The following SLC7A7 variants were observed in gnomAD, a reference collection of about 807,000 sequenced individuals.
SLC7A7 encodes solute carrier family 7 member 7, also known as Y+L amino acid transporter 1.
In SLC7A7, 39 loss-of-function variants were observed where a neutral mutation model predicts 47.9. The observed-to-expected ratio is 0.81, with a 90% CI of 0.63 to 1.06. The LOEUF (loss-of-function observed/expected upper bound fraction) is 1.06, where lower values mean the gene tolerates loss of function less well. Among genes scored for constraint, SLC7A7 ranks in the 50% least tolerant of loss-of-function variants. The pLI is 0.00. For synonymous variants in SLC7A7, 234 were observed against 242.8 expected, an observed-to-expected ratio of 0.96 and a Z score of 0.34; for missense variants, 588 against 632.0, an observed-to-expected ratio of 0.93 and a Z score of 0.75.
intron 2 of SLC7A7, among the ~76,000 whole-genome samples, chr14:22,795,764 T>G (rs553030969): frequency 1.3e-5 from 2 of 152,220 alleles, no homozygotes; most frequent in East Asian, 3.9e-4. Context: ...TGAGCCACCG[T>G]GCCCGGCCTT....
chr14:22,774,117 C>G lies in SLC7A7; in HGVS notation c.1246-1G>C. 6.2e-7 allele frequency: 1 copy of G among 1,614,092 alleles called. No individual in the cohort carries two copies. Among genetic ancestry groups the G allele is most frequent in the Non-Finnish European group, 8.5e-7 (1 of 1,180,006 alleles). On this transcript the variant is annotated splice_acceptor_variant, in intron 8 of 9. Transcript: ENST00000674313. LOFTEE classifies it high-confidence loss of function. ...AGACAATCGGGAAGAAAACGCTGAGCTAAGGGCACAGGAAACATAACTGGA... is the reference window on the plus strand; with the variant it reads ...AGACAATCGGGAAGAAAACGCTGAGGTAAGGGCACAGGAAACATAACTGGA...
intron 2 of SLC7A7, among the ~76,000 whole-genome samples, chr14:22,795,403 TTTC>T (rs2038999440): frequency 3.0e-4 from 1 of 3,286 alleles, no homozygotes; most frequent in Non-Finnish European, 9.9e-4. Flanking sequence ...TCTTTCTTTC[TTTC>T]TTTCTTTCTT....
Position 22,815,363 on chromosome 14 carries a change from A to G in SLC7A7, c.-86T>C, listed in dbSNP as rs2281677. 257,443 of 454,208 alleles carry G rather than the reference A, an allele frequency of 0.57. 74,098 individuals are homozygous for G. The highest frequency in any genetic ancestry group is 0.67 in the Admixed American group (28,666 of 42,548). 28.1% of individuals were successfully genotyped at this position (454,208 alleles called of 1,614,324 possible). ...AGCAGGTTCTCACGGCAGTGTGAGC[A>G]GCAGTCAGGGAGAGAAGTGCCTTCC... On this transcript the variant is annotated 5_prime_UTR_variant, in exon 1 of 10. Coordinates refer to ENST00000674313, the MANE Select transcript of SLC7A7 (RefSeq NM_003982.4).
chr14:22,784,920 A>G (rs967963837), intron 2 of SLC7A7, among the ~76,000 whole-genome samples: 9 of 152,212 alleles, frequency 5.9e-5, no homozygotes, highest in African/African-American at 2.2e-4. Flanking sequence ...AATACACACA[A>G]TGTAACACAC....
At chr14:22,801,839 T>C (rs939513099) in intron 2 of SLC7A7, among the ~76,000 whole-genome samples, 8 of 152,158 alleles carry the variant, frequency 5.3e-5, no homozygotes, top group Non-Finnish European at 1.2e-4. Context: ...CATGCACCCA[T>C]GCATGCGGTC....
At chr14:22,788,143 T>C (rs1239136759) in intron 2 of SLC7A7, among the ~76,000 whole-genome samples, 4 of 152,204 alleles carry the variant, frequency 2.6e-5, no homozygotes, top group Non-Finnish European at 5.9e-5. Context: ...GACCTTTCTG[T>C]ATTTGTCATT....
At chr14:22,814,728 G>A (rs2039379873) in intron 1 of SLC7A7, 1 of 154,430 alleles carries the variant, frequency 6.5e-6, no homozygotes, top group Non-Finnish European at 1.4e-5. Context: ...AGCGTCTCAT[G>A]ACACTGCTCT....
intron 4 of SLC7A7, among the ~76,000 whole-genome samples, chr14:22,777,473 CCTA>C (rs1371206571): frequency 6.6e-6 from 1 of 152,108 alleles, no homozygotes; most frequent in East Asian, 1.9e-4. Context: ...CAGGAGCCAT[CCTA>C]ACTGGTGGGC....
intron 2 of SLC7A7, among the ~76,000 whole-genome samples, chr14:22,796,967 A>G (rs866764586): frequency 2.0e-5 from 3 of 152,234 alleles, no homozygotes; most frequent in Non-Finnish European, 4.4e-5. Context: ...TTAGAAATCA[A>G]TAAGATGCAT....
intron 2 of SLC7A7, among the ~76,000 whole-genome samples, chr14:22,797,942 T>C (rs2039045989): frequency 6.6e-6 from 1 of 152,132 alleles, no homozygotes; most frequent in Non-Finnish European, 1.5e-5. Flanking sequence ...TAGAAAAAGA[T>C]GAAAATATGG....
intron 2 of SLC7A7, among the ~76,000 whole-genome samples, chr14:22,796,704 G>T (rs1448895689): frequency 6.6e-6 from 1 of 152,160 alleles, no homozygotes; most frequent in Non-Finnish European, 1.5e-5. Context: ...CTCAGTGTGG[G>T]CAAGTGTAGG....
intron 1 of SLC7A7, among the ~76,000 whole-genome samples, chr14:22,814,519 T>A (rs1158685777): frequency 6.6e-6 from 1 of 151,624 alleles, no homozygotes; most frequent in Non-Finnish European, 1.5e-5. Context: ...AAACACTAAA[T>A]GTTGGTTCTC....
intron 2 of SLC7A7, among the ~76,000 whole-genome samples, chr14:22,782,670 C>A (rs2038741188): frequency 6.6e-6 from 1 of 151,694 alleles, no homozygotes; most frequent in African/African-American, 2.4e-5. Context: ...CCATACTGGC[C>A]AGGCTAATCT....
At chr14:22,778,209 A>G (rs2038651855) in intron 4 of SLC7A7, among the ~76,000 whole-genome samples, 1 of 152,238 alleles carries the variant, frequency 6.6e-6, no homozygotes, top group African/African-American at 2.4e-5. Flanking sequence ...GGAAACAGGC[A>G]AAGAGATGGC....
chr14:22,798,758 C>T (rs2039060597), intron 2 of SLC7A7, among the ~76,000 whole-genome samples: 1 of 152,184 alleles, frequency 6.6e-6, no homozygotes, highest in Non-Finnish European at 1.5e-5. Flanking sequence ...TTTCACCCTG[C>T]AAAAGTTTTC....
At chr14:22,795,149 T>C (rs2038990315) in intron 2 of SLC7A7, among the ~76,000 whole-genome samples, 1 of 148,660 alleles carries the variant, frequency 6.7e-6, no homozygotes, top group Admixed American at 6.8e-5. Context: ...GGCACAATCT[T>C]GGCTCACTGC....
At chr14:22,815,957 CA>C, upstream of SLC7A7, 3 of 307,040 alleles carry the variant, frequency 9.8e-6, 1 homozygote, top group South Asian at 8.6e-5. Context: ...GAGAACTCTG[CA>C]CACTTCCCCA....
chr14:22,795,543 C>T (rs1336602519), intron 2 of SLC7A7, among the ~76,000 whole-genome samples: 15 of 151,122 alleles, frequency 9.9e-5, no homozygotes, highest in African/African-American at 3.7e-4. Context: ...GGTGCAATCT[C>T]GGCTCACTGC....
intron 2 of SLC7A7, among the ~76,000 whole-genome samples, chr14:22,800,437 C>T (rs1250514048): frequency 2.6e-5 from 4 of 152,200 alleles, no homozygotes; most frequent in African/African-American, 9.7e-5. Flanking sequence ...ATGCCTCTAC[C>T]TATAGAGTAT....
Sources: gnomAD v4.1 joint callset for allele counts (sites outside exome capture counted in the v4.1 genomes callset) on GRCh38, gnomAD v4.1.1 for gene constraint, MANE v1.5 for transcripts, NCBI Gene and HGNC (gene_info 2026-07-23, HGNC 2026-07-21) for gene names.